TG: variants seen among roughly 807,000 people sequenced by gnomAD.
TG encodes thyroid hormones.
A neutral mutation model predicts 324.7 loss-of-function variants in TG; 270 were observed. That is an observed-to-expected ratio of 0.83 (90% CI 0.75 to 0.92). The LOEUF is 0.92. Ranked by LOEUF, TG falls within the 40% of genes least tolerant of loss-of-function variation. The probability of loss-of-function intolerance (pLI) is 0.00; values close to 1 mark genes in which losing one functional copy is unlikely to be tolerated. For synonymous variants in TG, 1,401 were observed against 1,327.0 expected (o/e 1.06, Z -1.21); for missense variants, 3,591 against 3,456.4 (o/e 1.04, Z -0.98).
At chr8:132,952,613 G>A (rs1246706149) in intron 27 of TG, among the ~76,000 whole-genome samples, 2 of 152,164 alleles carry the variant, frequency 1.3e-5, no homozygotes, top group Non-Finnish European at 2.9e-5. Context: ...TGGGGAATTG[G>A]CATTTGTTTT....
At chr8:132,875,460 G>A (rs1408062938) in intron 5 of TG, among the ~76,000 whole-genome samples, 3 of 152,164 alleles carry the variant, frequency 2.0e-5, no homozygotes, top group Admixed American at 6.5e-5. Flanking sequence ...ACCCTAGTAA[G>A]CTTAGGTGCT....
intron 27 of TG, among the ~76,000 whole-genome samples, chr8:132,949,781 G>A (rs987820461): frequency 6.6e-6 from 1 of 152,166 alleles, no homozygotes; most frequent in Non-Finnish European, 1.5e-5. Context: ...GCGATCATCT[G>A]CCCCAGCCTC....
intron 36 of TG, among the ~76,000 whole-genome samples, chr8:133,012,902 T>C (rs1245136363): frequency 2.0e-5 from 3 of 152,210 alleles, no homozygotes; most frequent in Non-Finnish European, 4.4e-5. Context: ...TCATATAATT[T>C]AAGTTGTCTA....
chr8:133,060,928 T>C (rs1425626636), intron 41 of TG, among the ~76,000 whole-genome samples: 2 of 152,240 alleles, frequency 1.3e-5, no homozygotes, highest in Non-Finnish European at 2.9e-5. Context: ...GGTTGCTCCA[T>C]AACGGTTTTC....
At chr8:133,111,947 C>T (rs969616187) in intron 43 of TG, among the ~76,000 whole-genome samples, 1 of 152,244 alleles carries the variant, frequency 6.6e-6, no homozygotes, top group Non-Finnish European at 1.5e-5. Flanking sequence ...CCTTGCTTCT[C>T]GTTCAGCCGG....
At chr8:133,121,755 C>G (rs190442344) in intron 45 of TG, among the ~76,000 whole-genome samples, 1 of 152,166 alleles carries the variant, frequency 6.6e-6, no homozygotes, top group African/African-American at 2.4e-5. Flanking sequence ...AAAACAGAGA[C>G]AGGCAAATAG....
rs759898938 is a variant in TG at position 133,019,702 on chromosome 8, T to C, written c.6876+7T>C. On this transcript the variant is annotated splice_region_variant and intron_variant, in intron 39 of 47. Coordinates refer to ENST00000220616, the MANE Select transcript of TG (RefSeq NM_003235.5). ...GTTCATCCCTCAGAATGTGGTGAGT[T>C]CAAAAGCACTTGCTATGGTTGCCCT... The C allele has an allele frequency of 2.5e-6, 4 of 1,610,026 alleles. No homozygotes were observed. The highest frequency in any genetic ancestry group is 3.4e-6 in the Non-Finnish European group (4 of 1,176,866).
chr8:132,925,518 T>C (rs1244319806), intron 22 of TG, among the ~76,000 whole-genome samples: 6 of 141,224 alleles, frequency 4.2e-5, no homozygotes, highest in Non-Finnish European at 8.1e-5. Flanking sequence ...AAGGAGTGCG[T>C]GTGTGTGTGT....
intron 41 of TG, chr8:133,047,578 C>T (rs1359925091): frequency 3.9e-6 from 2 of 518,718 alleles, no homozygotes; most frequent in African/African-American, 3.8e-5. Context: ...GAAAAATTTC[C>T]AGCAGGAGTC....
At chr8:132,915,596 A>G (rs1289404013) in intron 20 of TG, among the ~76,000 whole-genome samples, 1 of 152,214 alleles carries the variant, frequency 6.6e-6, no homozygotes, top group African/African-American at 2.4e-5. Flanking sequence ...GGGCTGGAAC[A>G]GGACTCAGCA....
chr8:132,898,768 G>T, intron 13 of TG, 30 bp from the exon 14 acceptor site: 1 of 1,607,292 alleles, frequency 6.2e-7, no homozygotes, highest in Non-Finnish European at 8.5e-7. Context: ...CCCACGACCA[G>T]TCCTTTACAA....
At chr8:133,119,837 C>T (rs1280840140) in intron 45 of TG, among the ~76,000 whole-genome samples, 1 of 152,220 alleles carries the variant, frequency 6.6e-6, no homozygotes, top group African/African-American at 2.4e-5. Context: ...CACTCTAACA[C>T]GCGGTCTCTC....
intron 35 of TG, among the ~76,000 whole-genome samples, chr8:132,997,680 G>A (rs923644987): frequency 6.6e-5 from 10 of 152,142 alleles, no homozygotes; most frequent in Non-Finnish European, 1.2e-4. Context: ...GTGGAGTAAA[G>A]AGGAAGGAAA....
At chr8:132,944,393 T>A (rs994882657) in intron 26 of TG, among the ~76,000 whole-genome samples, 1 of 152,240 alleles carries the variant, frequency 6.6e-6, no homozygotes, top group Non-Finnish European at 1.5e-5. Context: ...CTCCTTGTGA[T>A]TTCCTCCTCC....
chr8:132,936,016 G>C, intron 25 of TG, 152 bp downstream of exon 25: 1 of 710,232 alleles, frequency 1.4e-6, no homozygotes, highest in Non-Finnish European at 2.6e-6. Flanking sequence ...TCCATCCTTT[G>C]GCAGACTCAG....
chr8:133,061,058 T>C (rs989996863), intron 41 of TG, among the ~76,000 whole-genome samples: 2 of 152,172 alleles, frequency 1.3e-5, no homozygotes, highest in African/African-American at 2.4e-5. Flanking sequence ...GTCGCCTAGG[T>C]TGGAGTGCAA....
intron 35 of TG, among the ~76,000 whole-genome samples, chr8:132,986,746 G>A (rs73357223): frequency 0.023 from 3,474 of 152,106 alleles, 118 homozygotes; most frequent in African/African-American, 0.073. Flanking sequence ...TGACCAAAGC[G>A]GAATTATTGG....
intron 43 of TG, among the ~76,000 whole-genome samples, chr8:133,101,284 C>T (rs1285526613): frequency 6.6e-6 from 1 of 152,220 alleles, no homozygotes; most frequent in Non-Finnish European, 1.5e-5. Flanking sequence ...CTCCCACCCT[C>T]CCAACAGTGA....
At position 133,096,284 on chromosome 8, in the gene TG, G is replaced by A. The variant is rs1848399949; in HGVS notation, c.7483G>A (p.Ala2495Thr). Residue 2495 changes from alanine (A) to threonine (T), a missense_variant, in exon 43 of 48, where the codon GCA becomes ACA. Ala to Thr is a moderately conservative substitution (Grantham distance 58). Transcript: ENST00000220616. ...GHFLREPPARALKRSLWVEVD... is the reference protein window; with the variant it reads ...GHFLREPPARTLKRSLWVEVD... ...CTTCCTCCGTGAGCCTCCAGCCAGA[G>A]CACTGAAGAGGTCTTTATGGGTAGA... The A allele has an allele frequency of 1.2e-6, 2 of 1,614,108 alleles. No individual in the cohort carries two copies. The highest frequency in any genetic ancestry group is 1.7e-5 in the Admixed American group (1 of 60,012).
Sources: allele counts gnomAD v4.1 joint callset (sites outside exome capture counted in the v4.1 genomes callset), GRCh38; gene constraint gnomAD v4.1.1; transcripts MANE v1.5; gene names NCBI Gene and HGNC (gene_info 2026-07-23, HGNC 2026-07-21).